Variants in SLC39A11 observed in about 807,000 individuals in gnomAD.
SLC39A11 encodes zinc transporter ZIP11.
Under a neutral mutation model 36.1 loss-of-function variants are expected in SLC39A11, and 33 were observed. That is an observed-to-expected ratio of 0.91 (90% confidence interval 0.69 to 1.22). The LOEUF (loss-of-function observed/expected upper bound fraction) is 1.22, where lower values mean the gene tolerates loss of function less well. SLC39A11 is among the 50% of genes most tolerant of loss of function. SLC39A11 has a pLI of 0.00. For missense variants in SLC39A11, 432 were observed against 430.3 expected (o/e 1.00, Z -0.03); for synonymous variants, 166 against 170.3 (o/e 0.97, Z 0.20).
At chr17:72,960,830 A>C (rs929022660) in intron 4 of SLC39A11, among the ~76,000 whole-genome samples, 1 of 152,010 alleles carries the variant, frequency 6.6e-6, no homozygotes, top group East Asian at 1.9e-4. Flanking sequence ...CAAACAACAA[A>C]AAAAAAACCC....
At chr17:72,935,477 T>A (rs1270323944) in intron 5 of SLC39A11, among the ~76,000 whole-genome samples, 2 of 152,188 alleles carry the variant, frequency 1.3e-5, no homozygotes, top group Admixed American at 6.5e-5. Context: ...TACAGATCTG[T>A]GCATTTCTTA....
chr17:73,086,061 G>A (rs1030880839), intron 2 of SLC39A11, among the ~76,000 whole-genome samples: 6 of 152,152 alleles, frequency 3.9e-5, no homozygotes, highest in African/African-American at 1.4e-4. Context: ...ACAGAAACAG[G>A]GAAAATATCC....
At chr17:72,767,462 G>A (rs751929031) in intron 6 of SLC39A11, among the ~76,000 whole-genome samples, 1 of 152,192 alleles carries the variant, frequency 6.6e-6, no homozygotes, top group Non-Finnish European at 1.5e-5. Context: ...CCCTTTGGGA[G>A]CCCATTTTCT....
intron 6 of SLC39A11, among the ~76,000 whole-genome samples, chr17:72,785,814 T>G (rs2076493794): frequency 6.6e-6 from 1 of 152,238 alleles, no homozygotes; most frequent in South Asian, 2.1e-4. Flanking sequence ...TAAGTATGTA[T>G]CTCAATCCTC....
chr17:72,974,431 C>CAAA (rs35927526), intron 4 of SLC39A11, among the ~76,000 whole-genome samples: 2,290 of 132,306 alleles, frequency 0.017, 38 homozygotes, highest in African/African-American at 0.036. Flanking sequence ...CATTTTGTAC[C>CAAA]AAAAAAAAAA....
chr17:72,949,143 G>GGTTTTTTT (rs1568004786), intron 4 of SLC39A11, among the ~76,000 whole-genome samples: 1 of 52,548 alleles, frequency 1.9e-5, no homozygotes, highest in African/African-American at 4.6e-5. Context: ...ACACTGGGCA[G>GGTTTTTTT]CTTTTTTTTT....
intron 7 of SLC39A11, among the ~76,000 whole-genome samples, chr17:72,656,796 AG>A (rs1223124886): frequency 1.3e-5 from 2 of 152,186 alleles, no homozygotes; most frequent in Admixed American, 1.3e-4. Context: ...TGGGGGAATC[AG>A]GGTTTATTTT....
intron 7 of SLC39A11, among the ~76,000 whole-genome samples, chr17:72,696,662 T>C (rs1403714573): frequency 6.6e-6 from 1 of 152,210 alleles, no homozygotes; most frequent in Non-Finnish European, 1.5e-5. Flanking sequence ...TCCAATCTAC[T>C]GCCACACCCC....
chr17:72,965,464 T>G (rs1214745406), intron 4 of SLC39A11, among the ~76,000 whole-genome samples: 1 of 152,196 alleles, frequency 6.6e-6, no homozygotes, highest in Non-Finnish European at 1.5e-5. Flanking sequence ...GTTTCTCAAT[T>G]TCAGTACAAT....
chr17:73,003,449 C>G (rs2089938250), intron 4 of SLC39A11, among the ~76,000 whole-genome samples: 1 of 152,100 alleles, frequency 6.6e-6, no homozygotes, highest in African/African-American at 2.4e-5. Context: ...CACTGGTGGG[C>G]AGTAGACAGA....
intron 4 of SLC39A11, among the ~76,000 whole-genome samples, chr17:72,993,960 T>C (rs1321599159): frequency 6.6e-6 from 1 of 152,162 alleles, no homozygotes; most frequent in Non-Finnish European, 1.5e-5. Flanking sequence ...AATTGAATCA[T>C]GGGGGCGGGT....
At chr17:73,038,757 G>GGGAGGAGGGAT (rs1568169538) in intron 3 of SLC39A11, among the ~76,000 whole-genome samples, 3 of 121,976 alleles carry the variant, frequency 2.5e-5, no homozygotes, top group South Asian at 3.0e-4. Flanking sequence ...GGAGGAGGGA[G>GGGAGGAGGGAT]GGAGGAGGGA....
chr17:73,046,620 T>C (rs1208541175), intron 3 of SLC39A11, among the ~76,000 whole-genome samples: 1 of 152,204 alleles, frequency 6.6e-6, no homozygotes, highest in Non-Finnish European at 1.5e-5. Context: ...CGTCATCTTC[T>C]CTCTCTGTCT....
intron 6 of SLC39A11, among the ~76,000 whole-genome samples, chr17:72,811,081 AC>A (rs2077422850): frequency 6.7e-6 from 1 of 149,996 alleles, no homozygotes; most frequent in Non-Finnish European, 1.5e-5. Flanking sequence ...AAAAAAAAAA[AC>A]ATTGTTTAGA....
intron 7 of SLC39A11, 103 bp from the exon 8 acceptor site, chr17:72,649,371 A>G: frequency 1.0e-6 from 1 of 954,440 alleles, no homozygotes; most frequent in African/African-American, 1.6e-5. Flanking sequence ...CTAGGAAGCC[A>G]GGAGGAGACC....
intron 7 of SLC39A11, among the ~76,000 whole-genome samples, chr17:72,727,352 A>C (rs1260484327): frequency 2.0e-5 from 3 of 152,184 alleles, no homozygotes; most frequent in Non-Finnish European, 4.4e-5. Context: ...ATGGGACCAG[A>C]ACAGAAAGAA....
At chr17:72,992,510 C>T (rs184157378) in intron 4 of SLC39A11, among the ~76,000 whole-genome samples, 8 of 152,240 alleles carry the variant, frequency 5.3e-5, no homozygotes, top group Admixed American at 2.0e-4. Flanking sequence ...TTACTGTGCA[C>T]GGTTTGCCCC....
At chr17:72,945,323 A>G (rs1254160470) in intron 5 of SLC39A11, among the ~76,000 whole-genome samples, 2 of 152,170 alleles carry the variant, frequency 1.3e-5, no homozygotes, top group African/African-American at 2.4e-5. Context: ...CGAACCAATT[A>G]TGGGACATTA....
intron 5 of SLC39A11, among the ~76,000 whole-genome samples, chr17:72,940,154 GC>G (rs1190494740): frequency 6.6e-6 from 1 of 152,182 alleles, no homozygotes; most frequent in Non-Finnish European, 1.5e-5. Context: ...AGTTAACTGA[GC>G]CGACTGTTTC....
Sources: allele counts gnomAD v4.1 joint callset (sites outside exome capture counted in the v4.1 genomes callset), GRCh38; gene constraint gnomAD v4.1.1; transcripts MANE v1.5; gene names NCBI Gene and HGNC (gene_info 2026-07-23, HGNC 2026-07-21).